PADI6: variants seen among roughly 807,000 people sequenced by gnomAD.
The protein encoded by PADI6 is inactive protein-arginine deiminase type-6.
In PADI6, 66 loss-of-function variants were observed where a neutral mutation model predicts 78.2. The observed-to-expected ratio is 0.84, with a 90% CI of 0.69 to 1.04. PADI6 has a LOEUF of 1.04. Among genes scored for constraint, PADI6 ranks in the 50% least tolerant of loss-of-function variants. The pLI is 0.00. For synonymous variants in PADI6, 397 were observed against 346.9 expected, an observed-to-expected ratio of 1.14 and a Z score of -1.60; for missense variants, 854 against 866.1, an observed-to-expected ratio of 0.99 and a Z score of 0.18.
chr1:17,397,221 C>T (rs2075255856), intron 14 of PADI6, 80 bp downstream of exon 14: 1 of 1,507,700 alleles, frequency 6.6e-7, no homozygotes, highest in South Asian at 1.2e-5. Context: ...ACCCACCCCT[C>T]CTGAGGGGTG....
At chr1:17,376,220 G>A (rs1355950638) in intron 3 of PADI6, among the ~76,000 whole-genome samples, 3 of 151,092 alleles carry the variant, frequency 2.0e-5, no homozygotes, top group African/African-American at 7.3e-5. Flanking sequence ...CGATCCACCT[G>A]CCTCGGCCTC....
intron 8 of PADI6, 22 bp from the exon 9 acceptor site, chr1:17,392,092 A>G (rs1337117828): frequency 6.5e-7 from 1 of 1,550,052 alleles, no homozygotes; most frequent in African/African-American, 1.4e-5. Context: ...CCTTCCCAGA[A>G]CTGGCTTCTC....
intron 6 of PADI6, 40 bp from the exon 7 acceptor site, chr1:17,388,341 G>A (rs764581293): frequency 6.4e-7 from 1 of 1,552,282 alleles, no homozygotes; most frequent in Non-Finnish European, 8.8e-7. Flanking sequence ...CCGGCACCAG[G>A]TTACTTCAGT....
rs2075219691 is a variant in PADI6 at position 17,394,052 on chromosome 1, T to C, written c.1152T>C (p.Asp384=). The C allele has an allele frequency of 1.9e-6, 3 of 1,613,740 alleles. No individual in the cohort carries two copies. The highest frequency in any genetic ancestry group is 3.3e-5 in the Admixed American group (2 of 59,978). The change falls in exon 10 of 16, where the codon GAT becomes GAC. Residue 384 remains aspartate (D), a synonymous_variant. Transcript: ENST00000619609. ...SLILDTPQAA[D]LDEFPMKYSL... is the part of the protein sequence containing the mutation. ...TCCTCGACACACCTCAGGCCGCCGA[T>C]CTCGATGAGTTCCCCATGAAGTACT...
rs532707034 is a variant in PADI6 at position 17,393,915 on chromosome 1, G to A, written c.1075-60G>A. On this transcript the variant is annotated intron_variant, in intron 9 of 15. Transcript: ENST00000619609. ...AGGGGGTTCTTACCGTACCTTTTCCGTAAATGGGGTCCGGGGAGATGTGTG... is the reference window on the plus strand; with the variant it reads ...AGGGGGTTCTTACCGTACCTTTTCCATAAATGGGGTCCGGGGAGATGTGTG... 2.7e-4 allele frequency: 403 copies of A among 1,492,508 alleles called. 11 individuals carry two copies. The South Asian group carries it at 3.6e-3, about 13-fold the overall frequency. The allele number at this position is 1,492,508 out of a possible 1,614,324, so 92.5% of individuals were successfully genotyped here.
intron 6 of PADI6, among the ~76,000 whole-genome samples, chr1:17,385,718 G>A (rs1218722092): frequency 1.4e-5 from 2 of 143,836 alleles, no homozygotes; most frequent in Non-Finnish European, 3.1e-5. Flanking sequence ...ATCCACGAAG[G>A]ATGGAGAGGA....
chr1:17,394,550 C>G (rs2075226498), intron 11 of PADI6, 96 bp downstream of exon 11: 1 of 1,289,510 alleles, frequency 7.8e-7, no homozygotes. Context: ...GCAGGTCACA[C>G]ACACTGGACC....
intron 3 of PADI6, among the ~76,000 whole-genome samples, chr1:17,376,370 G>A (rs771595570): frequency 5.3e-5 from 8 of 151,560 alleles, no homozygotes; most frequent in Non-Finnish European, 1.2e-4. Context: ...CGCGATCTTG[G>A]CTCACTGCCC....
At position 17,395,199 on chromosome 1, in the gene PADI6, GTTTTT is replaced by G. The variant is rs35197313; in HGVS notation, c.1494+103_1494+107del. 6.9e-4 allele frequency: 866 copies of G among 1,259,054 alleles called. 3 individuals carry two copies. Among genetic ancestry groups the G allele is most frequent in the African/African-American group, 6.0e-3 (390 of 64,578 alleles). 78.0% of individuals were successfully genotyped at this position (1,259,054 alleles called of 1,614,324 possible). A position where few individuals can be genotyped will look rare whatever the true frequency, so the allele number is the denominator to read the frequency against. On this transcript the variant is annotated intron_variant, in intron 12 of 15. Coordinates refer to ENST00000619609, the MANE Select transcript of PADI6 (RefSeq NM_207421.4). ...CTGGAGAGAAAACTGGCTTTTTCTT[GTTTTT>G]TTTTTTTTTTGTTTGTTTTTTGAGA...
rs754684304 is a variant in PADI6 at position 17,372,282 on chromosome 1, A to T, written c.37A>T (p.Ser13Cys). 1.1e-5 allele frequency: 17 copies of T among 1,613,902 alleles called. No individual in the cohort carries two copies. In the East Asian group the frequency reaches 3.8e-4, roughly 36 times the overall value. Residue 13 changes from serine (S) to cysteine (C), a missense_variant, in exon 1 of 16, where the codon AGT becomes TGT. Physicochemically the swap from Ser to Cys is moderately radical, Grantham distance 112 (BLOSUM62 -1). Transcript: ENST00000619609. ...GGAGGGCCGAGCCATGTCCTTCCAG[A>T]GTATCATCCACCTGTCCCTGGACAG... ...SVEGRAMSFQ[S>C]IIHLSLDSPV...
At position 17,397,291 on chromosome 1, in the gene PADI6, C is replaced by T; in HGVS notation, c.1689+150C>T. On this transcript the variant is annotated intron_variant, in intron 14 of 15. Coordinates refer to ENST00000619609, the MANE Select transcript of PADI6 (RefSeq NM_207421.4). ...CCTTTCTTCCAGGTCTTGATACAGG[C>T]CCAGGTCTGGGGCTAGAGCTGGCCA... The T allele has an allele frequency of 4.8e-6, 4 of 837,824 alleles. No homozygotes were observed. In the Admixed American group the frequency reaches 7.1e-5, roughly 15 times the overall value. The allele number at this position is 837,824 out of a possible 1,614,324, so 51.9% of individuals were successfully genotyped here.
In PADI6 at chr1:17,398,682, A is replaced by ACCCCCCCCCCCCCCCCCCCCCCCCCCCC; in HGVS notation, c.1690-3_1690-2insCCCCCCCCCCCCCCCCCCCCCCCCCCCC. 1 of 114,340 alleles carries ACCCCCCCCCCCCCCCCCCCCCCCCCCCC rather than the reference A, an allele frequency of 8.7e-6. No homozygotes were observed. Among genetic ancestry groups the ACCCCCCCCCCCCCCCCCCCCCCCCCCCC allele is most frequent in the South Asian group, 1.5e-4 (1 of 6,646 alleles). 7.1% of individuals were successfully genotyped at this position (114,340 alleles called of 1,614,324 possible). ...CCCCCCCCCACCCACCCACCCACCC[A>ACCCCCCCCCCCCCCCCCCCCCCCCCCCC]CAGAAGTGCATTCACCTGAACCGTG... On this transcript the variant is annotated splice_polypyrimidine_tract_variant and splice_region_variant and intron_variant, in intron 14 of 15. Coordinates refer to ENST00000619609, the MANE Select transcript of PADI6 (RefSeq NM_207421.4).
chr1:17,394,183 G>T, intron 10 of PADI6, 101 bp downstream of exon 10: 1 of 1,499,602 alleles, frequency 6.7e-7, no homozygotes, highest in South Asian at 1.2e-5. Flanking sequence ...GGCCCAGGTG[G>T]CCTCTGAGGG....
intron 8 of PADI6, among the ~76,000 whole-genome samples, chr1:17,389,287 G>A (rs996401440): frequency 6.6e-6 from 1 of 152,208 alleles, no homozygotes; most frequent in Non-Finnish European, 1.5e-5. Flanking sequence ...TGGGCCCTGG[G>A]TGTTACGGTG....
intron 6 of PADI6, among the ~76,000 whole-genome samples, chr1:17,386,993 G>C (rs1048632957): frequency 7.2e-5 from 11 of 152,184 alleles, no homozygotes; most frequent in African/African-American, 2.7e-4. Flanking sequence ...GGTAAATCTA[G>C]CTTAGGATCC....
chr1:17,375,630 T>A (rs2075007903), intron 3 of PADI6, 131 bp downstream of exon 3: 7 of 727,960 alleles, frequency 9.6e-6, no homozygotes, highest in Non-Finnish European at 1.6e-5. Flanking sequence ...CAGGAACTCC[T>A]GAACAAACTC....
rs1400152333 is a variant in PADI6, at chr1:17,392,145, G to A, written c.994G>A (p.Val332Met). The A allele has an allele frequency of 6.4e-7, 1 of 1,560,860 alleles. No homozygotes were observed. Among genetic ancestry groups the A allele is most frequent in the Non-Finnish European group, 8.7e-7 (1 of 1,152,446 alleles). ...GCAGCTGCAGGGTTTTGTGGACACAGTGACGAAGCTGAGTGAGAAGAGCAA... is the reference window on the plus strand; with the variant it reads ...GCAGCTGCAGGGTTTTGTGGACACAATGACGAAGCTGAGTGAGAAGAGCAA... ...ELQLQGFVDT[V>M]TKLSEKSNSQ... Residue 332 changes from valine (V) to methionine (M), a missense_variant, in exon 9 of 16, where the codon GTG becomes ATG. Val to Met is a conservative substitution (Grantham distance 21, BLOSUM62 1). Transcript: ENST00000619609.
In PADI6 at chr1:17,391,153, C is replaced by T. The variant is rs977803715; in HGVS notation, c.963-961C>T. Among the ~76,000 whole-genome samples the T allele has an allele frequency of 1.1e-4, 17 of 152,198 alleles. No individual in the cohort carries two copies. The South Asian group carries it at 1.2e-3, about 11-fold the overall frequency. On this transcript the variant is annotated intron_variant, in intron 8 of 15. Coordinates refer to ENST00000619609, the MANE Select transcript of PADI6 (RefSeq NM_207421.4). The stretch of plus-strand genomic sequence containing the variant: ...GACTACAGTCCCAATTTCAATATCT[C>T]CCAATATTAGGGCCTTGCTGACCTC...
At chr1:17,396,175 C>T (rs2075245712) in intron 13 of PADI6, among the ~76,000 whole-genome samples, 1 of 151,972 alleles carries the variant, frequency 6.6e-6, no homozygotes, top group Admixed American at 6.6e-5. Flanking sequence ...CACCTGAGGC[C>T]AAAAGTTCGA....
Sources: allele counts gnomAD v4.1 joint callset (sites outside exome capture counted in the v4.1 genomes callset), GRCh38; gene constraint gnomAD v4.1.1; transcripts MANE v1.5; gene names NCBI Gene and HGNC (gene_info 2026-07-23, HGNC 2026-07-21).